TMEM8B: variants seen among roughly 807,000 people sequenced by gnomAD.
The protein encoded by TMEM8B is nasopharyngeal carcinoma expressed 6.
TMEM8B carries 29 observed loss-of-function variants against 49.3 expected under a neutral mutation model. The ratio of observed to expected loss-of-function variants is 0.59; its 90% CI spans 0.44 to 0.80. The LOEUF (loss-of-function observed/expected upper bound fraction) is 0.80. Among genes scored for constraint, TMEM8B ranks in the 30% least tolerant of loss-of-function variants. TMEM8B has a pLI of 0.00. For missense variants in TMEM8B, 575 were observed against 658.5 expected (o/e 0.87, Z 1.39); for synonymous variants, 264 against 272.8 (o/e 0.97, Z 0.32).
Position 35,853,720 on chromosome 9 carries a change from C to T in TMEM8B, c.2655C>T (p.His885=), listed in dbSNP as rs200428301. 156 of 1,614,052 alleles carry T rather than the reference C, an allele frequency of 9.7e-5. No individual in the cohort carries two copies. The highest frequency in any genetic ancestry group is 1.3e-4 in the Non-Finnish European group (153 of 1,179,934). Reference sequence around the variant, plus strand: ...TGCCCCCTCGTGCCAAGACTGACCACGGGGTCCCATCTGGAGCCCGGGCCC... The same window carrying T: ...TGCCCCCTCGTGCCAAGACTGACCATGGGGTCCCATCTGGAGCCCGGGCCC... ...FLLPPRAKTD[H]GVPSGARARG... The change falls in exon 13 of 13, where the codon CAC becomes CAT. Residue 885 remains histidine, a synonymous_variant. Transcript: ENST00000643932. This position sits in a 1 kb window ranked among gnomAD's most constrained non-coding sequence, Gnocchi z 4.2.
chr9:35,833,045 C>T (rs1021606660), intron 1 of TMEM8B, among the ~76,000 whole-genome samples: 3 of 152,128 alleles, frequency 2.0e-5, no homozygotes, highest in Non-Finnish European at 2.9e-5. Context: ...TGAGTGTAAC[C>T]GTGGCCTCCA....
intron 1 of TMEM8B, chr9:35,833,317 C>T (rs1830100523): frequency 3.0e-6 from 3 of 985,224 alleles, no homozygotes; most frequent in African/African-American, 3.5e-5. Context: ...CTGAGTTCCC[C>T]ACCTTCTCAC....
chr9:35,829,463 T>G lies in TMEM8B; in HGVS notation c.16T>G (p.Ser6Ala). The change falls in exon 1 of 13, where the codon TCC becomes GCC. Residue 6 changes from serine (S) to alanine (A), a missense_variant. By Grantham distance (99) the Ser-to-Ala change is moderately conservative (BLOSUM62 1). Coordinates refer to ENST00000643932, the MANE Select transcript of TMEM8B (RefSeq NM_001042590.4). ...GCCCCGGGCCATGGCCCAGCCCTTGTCCCGGCCCCTCGTCCTATCCCAATC... is the reference window on the plus strand; with the variant it reads ...GCCCCGGGCCATGGCCCAGCCCTTGGCCCGGCCCCTCGTCCTATCCCAATC... MAQPL[S>A]RPLVLSQSPP... The G allele has an allele frequency of 1.1e-5, 4 of 355,666 alleles. No homozygotes were observed. The highest frequency in any genetic ancestry group is 1.5e-5 in the Non-Finnish European group (3 of 199,442). The allele number at this position is 355,666 out of a possible 1,614,324, so 22.0% of individuals were successfully genotyped here.
In TMEM8B at chr9:35,834,603, G is replaced by T; in HGVS notation, c.651G>T (p.Glu217Asp). The change falls in exon 2 of 13, where the codon GAG becomes GAT. Residue 217 changes from glutamate (E) to aspartate (D), a missense_variant. Coordinates refer to ENST00000643932, the MANE Select transcript of TMEM8B (RefSeq NM_001042590.4). ...TTTGGAACCTCATCATCTTCAAGGA[G>T]CAAGGGGGAACTTTTGGGGACCACT... ...LAVWNLIIFK[E>D]QGGTFGDHCP... The T allele has an allele frequency of 2.4e-6, 1 of 415,988 alleles. No homozygotes were observed. Among genetic ancestry groups the T allele is most frequent in the Non-Finnish European group, 4.4e-6 (1 of 226,460 alleles). 25.8% of individuals were successfully genotyped at this position (415,988 alleles called of 1,614,324 possible).
intron 1 of TMEM8B, among the ~76,000 whole-genome samples, chr9:35,831,044 TG>T (rs1829840385): frequency 2.0e-5 from 3 of 152,066 alleles, no homozygotes; most frequent in Non-Finnish European, 4.4e-5. Flanking sequence ...ACAGAACAGC[TG>T]GGGGGTGGAG....
chr9:35,864,708 C>G lies in TMEM8B; in HGVS notation c.*10868C>G, dbSNP rs1564057828. The G allele has an allele frequency of 6.6e-6, 1 of 152,218 alleles. No individual in the cohort carries two copies. Among genetic ancestry groups the G allele is most frequent in the Non-Finnish European group, 1.5e-5 (1 of 68,068 alleles). 9.4% of individuals were successfully genotyped at this position (152,218 alleles called of 1,614,324 possible). On this transcript the variant is annotated 3_prime_UTR_variant, in exon 13 of 13. Coordinates refer to ENST00000643932, the MANE Select transcript of TMEM8B (RefSeq NM_001042590.4). ...CCCTGTCCCCCAGCAAATATTTTGG[C>G]TTTTAAATGTTTTAAATGATTTCTT...
rs1222067302 is a variant in TMEM8B, at chr9:35,834,633, A to G, written c.681A>G (p.Pro227=). ...GGGGAACTTTTGGGGACCACTGCCC[A>G]GACCAAAGTGTGACTGTGTGAGTGT... ...EQGGTFGDHC[P]DQSVTVYFRS... The change falls in exon 2 of 13, where the codon CCA becomes CCG. Residue 227 remains proline (P), a synonymous_variant. Coordinates refer to ENST00000643932, the MANE Select transcript of TMEM8B (RefSeq NM_001042590.4). 2.4e-6 allele frequency: 1 copy of G among 415,790 alleles called. No individual in the cohort carries two copies. Among genetic ancestry groups the G allele is most frequent in the African/African-American group, 2.1e-5 (1 of 48,714 alleles). 25.8% of individuals were successfully genotyped at this position (415,790 alleles called of 1,614,324 possible).
rs1832391604 is a variant in TMEM8B at position 35,853,917 on chromosome 9, A to G, written c.*77A>G. ...TTCTGGGGGTGTGGAGCCCTCTTAG[A>G]AGGAGACAGGCTGTATTTCTTGAGG... On this transcript the variant is annotated 3_prime_UTR_variant, in exon 13 of 13. Coordinates refer to ENST00000643932, the MANE Select transcript of TMEM8B (RefSeq NM_001042590.4). The surrounding 1 kb of genome is among the most constrained non-coding windows in gnomAD (Gnocchi z 4.2). The G allele has an allele frequency of 1.4e-6, 2 of 1,461,010 alleles. No individual in the cohort carries two copies. Among genetic ancestry groups the G allele is most frequent in the South Asian group, 1.5e-5 (1 of 67,966 alleles). The allele number at this position is 1,461,010 out of a possible 1,614,324, so 90.5% of individuals were successfully genotyped here.
Position 35,829,393 on chromosome 9 carries a change from C to T in TMEM8B, c.-55C>T, listed in dbSNP as rs2381409. ...CGGGGGTGGGGAGCGGAGCCGCGGGCCAGCTCTGCGAGCGCCCCGCGCTGG... is the reference window on the plus strand; with the variant it reads ...CGGGGGTGGGGAGCGGAGCCGCGGGTCAGCTCTGCGAGCGCCCCGCGCTGG... On this transcript the variant is annotated 5_prime_UTR_variant, in exon 1 of 13. Coordinates refer to ENST00000643932, the MANE Select transcript of TMEM8B (RefSeq NM_001042590.4). 206,802 of 343,788 alleles carry T rather than the reference C, an allele frequency of 0.6. 64,068 individuals are homozygous for T. Among genetic ancestry groups the T allele is most frequent in the Middle Eastern group, 0.72 (919 of 1,282 alleles). The allele number at this position is 343,788 out of a possible 1,614,324, so 21.3% of individuals were successfully genotyped here. A position where few individuals can be genotyped will look rare whatever the true frequency, so the allele number is the denominator to read the frequency against.
Position 35,863,631 on chromosome 9 carries a change from T to G in TMEM8B, c.*9791T>G, listed in dbSNP as rs1444805751. The G allele has an allele frequency of 6.6e-6, 1 of 152,196 alleles. No homozygotes were observed. Among genetic ancestry groups the G allele is most frequent in the Non-Finnish European group, 1.5e-5 (1 of 68,048 alleles). The allele number at this position is 152,196 out of a possible 1,614,324, so 9.4% of individuals were successfully genotyped here. A position where few individuals can be genotyped will look rare whatever the true frequency, so the allele number is the denominator to read the frequency against. On this transcript the variant is annotated 3_prime_UTR_variant, in exon 13 of 13. Transcript: ENST00000643932. Reference sequence around the variant, plus strand: ...ACGAAGTTTTATTTCTCATGCTACATGTCTACTGTGGCTTTCCCGGTGGCT... The same window carrying G: ...ACGAAGTTTTATTTCTCATGCTACAGGTCTACTGTGGCTTTCCCGGTGGCT...
In TMEM8B at chr9:35,853,010, C is replaced by G. The variant is rs760325606; in HGVS notation, c.2322+37C>G. The stretch of plus-strand genomic sequence containing the variant: ...GTGGGCCCTGGGGAACAACCATGGC[C>G]AAGTCTCCTTGAAATCCACTCCTGA... On this transcript the variant is annotated intron_variant, in intron 11 of 12. Transcript: ENST00000643932. This position sits in a 1 kb window ranked among gnomAD's most constrained non-coding sequence, Gnocchi z 4.2. The G allele has an allele frequency of 1.5e-5, 24 of 1,613,450 alleles. No individual in the cohort carries two copies. Among genetic ancestry groups the G allele is most frequent in the Non-Finnish European group, 1.9e-5 (22 of 1,179,610 alleles).
Position 35,854,808 on chromosome 9 carries a change from A to T in TMEM8B, c.*968A>T, listed in dbSNP as rs1454011389. ...AGCAGGTACACGTCTCAGGTGTGCA[A>T]GAAATATCACAAGAATGTAACTTCT... On this transcript the variant is annotated 3_prime_UTR_variant, in exon 13 of 13. Coordinates refer to ENST00000643932, the MANE Select transcript of TMEM8B (RefSeq NM_001042590.4). 6.6e-6 allele frequency: 1 copy of T among 152,220 alleles called. No individual in the cohort carries two copies. Among genetic ancestry groups the T allele is most frequent in the Non-Finnish European group, 1.5e-5 (1 of 68,048 alleles). The allele number at this position is 152,220 out of a possible 1,614,324, so 9.4% of individuals were successfully genotyped here.
chr9:35,846,226 C>G (rs755905832), intron 7 of TMEM8B, 32 bp from the exon 8 acceptor site: 3 of 1,613,142 alleles, frequency 1.9e-6, no homozygotes, highest in Non-Finnish European at 2.5e-6. Flanking sequence ...GACCCCTCCT[C>G]CCTCTCACTG....
At position 35,846,391 on chromosome 9, in the gene TMEM8B, G is replaced by GCGGGGCGGGGC. The variant is rs781129528; in HGVS notation, c.1853+12_1853+22dup. 1.2e-6 allele frequency: 2 copies of GCGGGGCGGGGC among 1,609,360 alleles called. No individual in the cohort carries two copies. On this transcript the variant is annotated intron_variant, in intron 8 of 12. Transcript: ENST00000643932. ...GCGGGGTGGGGCCTCGGTGAGCGGT[G>GCGGGGCGGGGC]CGGGGCGGGGCCAGGGCTGGGACCG...
At chr9:35,833,391 A>T (rs889981850) in intron 1 of TMEM8B, 2 of 984,930 alleles carry the variant, frequency 2.0e-6, no homozygotes, top group Non-Finnish European at 2.4e-6. Context: ...GAGCAGTCAG[A>T]TTCCCTAGAG....
In TMEM8B at chr9:35,858,470, C is replaced by T. The variant is rs1191804545; in HGVS notation, c.*4630C>T. 1 of 152,182 alleles carries T rather than the reference C, an allele frequency of 6.6e-6. No homozygotes were observed. Among genetic ancestry groups the T allele is most frequent in the Non-Finnish European group, 1.5e-5 (1 of 68,046 alleles). 9.4% of individuals were successfully genotyped at this position (152,182 alleles called of 1,614,324 possible). On this transcript the variant is annotated 3_prime_UTR_variant, in exon 13 of 13. Coordinates refer to ENST00000643932, the MANE Select transcript of TMEM8B (RefSeq NM_001042590.4). ...ACCCTCTAACCTAGTTTGGTTGACT[C>T]AGTATAAAGCTACCACACGTGAGCT...
At chr9:35,840,282 G>GA (rs770695016) in intron 3 of TMEM8B, among the ~76,000 whole-genome samples, 30 of 152,336 alleles carry the variant, frequency 2.0e-4, no homozygotes, top group South Asian at 2.1e-4. Flanking sequence ...GAGGCTGAGG[G>GA]ACCAGACGGA....
rs1236630349 is a variant in TMEM8B, at chr9:35,829,773, C to G, written c.326C>G (p.Pro109Arg). Reference sequence around the variant, plus strand: ...CTGCCCTTGTTCAAGCCCCAGTGTCCAGCCCAGCCCAACCCATTATCTCAG... The same window carrying G: ...CTGCCCTTGTTCAAGCCCCAGTGTCGAGCCCAGCCCAACCCATTATCTCAG... ...HSLPLFKPQC[P>R]AQPNPLSQPL... The change falls in exon 1 of 13, where the codon CCA (proline) becomes CGA (arginine). Residue 109 changes from proline (P) to arginine (R), a missense_variant. Coordinates refer to ENST00000643932, the MANE Select transcript of TMEM8B (RefSeq NM_001042590.4). 2.4e-6 allele frequency: 1 copy of G among 415,872 alleles called. No homozygotes were observed. The highest frequency in any genetic ancestry group is 4.4e-6 in the Non-Finnish European group (1 of 227,502). 25.8% of individuals were successfully genotyped at this position (415,872 alleles called of 1,614,324 possible).
chr9:35,848,895 G>A (rs1464426088), intron 10 of TMEM8B, among the ~76,000 whole-genome samples: 1 of 151,916 alleles, frequency 6.6e-6, no homozygotes, highest in Non-Finnish European at 1.5e-5. Context: ...AGTTGGTCTC[G>A]ATCTCCTGAC....
Sources: allele counts gnomAD v4.1 joint callset (sites outside exome capture counted in the v4.1 genomes callset), GRCh38; gene constraint gnomAD v4.1.1; non-coding constraint Gnocchi (gnomAD v3.1); transcripts MANE v1.5; gene names NCBI Gene and HGNC (gene_info 2026-07-23, HGNC 2026-07-21).